The following COMMD1 variants were observed in gnomAD, a reference collection of about 807,000 sequenced individuals.
COMMD1 encodes the protein copper metabolism domain containing 1.
COMMD1 carries 10 observed loss-of-function variants against 17.2 expected under a neutral mutation model. That is an observed-to-expected ratio of 0.58 (90% confidence interval 0.36 to 0.99). The LOEUF (loss-of-function observed/expected upper bound fraction) is 0.99, where lower values mean the gene tolerates loss of function less well. COMMD1 is among the 50% of genes least tolerant of loss of function. COMMD1 has a pLI of 0.01. For missense variants in COMMD1, 270 were observed against 231.8 expected (o/e 1.17, Z -1.07); for synonymous variants, 97 against 91.6 (o/e 1.06, Z -0.34).
chr2:61,955,467 C>G (rs1269256001), intron 1 of COMMD1, among the ~76,000 whole-genome samples: 1 of 152,056 alleles, frequency 6.6e-6, no homozygotes, highest in Non-Finnish European at 1.5e-5. Flanking sequence ...CGTAAGTTTT[C>G]AGTTTTGATG....
At chr2:61,958,983 A>T (rs1361967369) in intron 1 of COMMD1, among the ~76,000 whole-genome samples, 2 of 152,106 alleles carry the variant, frequency 1.3e-5, no homozygotes, top group African/African-American at 4.8e-5. Context: ...CACTGATTTT[A>T]TTTTGTCATG....
At chr2:62,036,107 T>C (rs983316545) in intron 2 of COMMD1, among the ~76,000 whole-genome samples, 1 of 151,722 alleles carries the variant, frequency 6.6e-6, no homozygotes, top group Admixed American at 6.6e-5. Flanking sequence ...GGATGGTTTC[T>C]TAGAAAAAAG....
At chr2:62,112,293 A>G (rs1476159200) in intron 2 of COMMD1, among the ~76,000 whole-genome samples, 1 of 152,198 alleles carries the variant, frequency 6.6e-6, no homozygotes, top group African/African-American at 2.4e-5. Context: ...GAAGAGCACA[A>G]AGCTCTCAGG....
intron 1 of COMMD1, among the ~76,000 whole-genome samples, chr2:61,979,219 A>G (rs1032768049): frequency 5.3e-5 from 8 of 151,964 alleles, no homozygotes; most frequent in African/African-American, 1.9e-4. Context: ...ATAGGCCAGA[A>G]TGTAATCCCA....
intron 1 of COMMD1, among the ~76,000 whole-genome samples, chr2:61,900,357 G>A (rs530517629): frequency 1.1e-3 from 174 of 152,346 alleles, no homozygotes; most frequent in Non-Finnish European, 2.0e-3. Flanking sequence ...ATAAGGCTCT[G>A]TCTAAAACTT....
At chr2:61,897,911 T>TGA (rs1669584712) in intron 1 of COMMD1, among the ~76,000 whole-genome samples, 1 of 152,122 alleles carries the variant, frequency 6.6e-6, no homozygotes, top group Non-Finnish European at 1.5e-5. Context: ...TGCCTCCATA[T>TGA]ATAGGGACGA....
rs1264864492 is a variant in COMMD1, at chr2:62,123,288, G to A, written c.463-12543G>A. 2.7e-3 allele frequency among the ~76,000 whole-genome samples: 406 copies of A among 150,856 alleles called. 1 individual carries two copies. The highest frequency in any genetic ancestry group is 9.6e-3 in the African/African-American group (387 of 40,246). ...TGGGAGGCTGAGGCAGGCAGATCATGAGGTCAGGAGTTCAAGACCAGCCTG... is the reference window on the plus strand; with the variant it reads ...TGGGAGGCTGAGGCAGGCAGATCATAAGGTCAGGAGTTCAAGACCAGCCTG... On this transcript the variant is annotated intron_variant, in intron 2 of 2. Transcript: ENST00000311832.
At chr2:61,993,573 G>A (rs1186305361) in intron 1 of COMMD1, among the ~76,000 whole-genome samples, 2 of 152,214 alleles carry the variant, frequency 1.3e-5, no homozygotes, top group African/African-American at 4.8e-5. Flanking sequence ...AGATGTGGAA[G>A]AGAGAGAAGA....
intron 1 of COMMD1, among the ~76,000 whole-genome samples, chr2:61,948,738 T>G (rs1261933524): frequency 6.6e-6 from 1 of 152,260 alleles, no homozygotes; most frequent in Non-Finnish European, 1.5e-5. Flanking sequence ...AGGAGACTTT[T>G]AAGACTTTGT....
At chr2:61,958,184 T>G (rs1671244271) in intron 1 of COMMD1, among the ~76,000 whole-genome samples, 1 of 152,110 alleles carries the variant, frequency 6.6e-6, no homozygotes, top group African/African-American at 2.4e-5. Context: ...CCTCCCACTC[T>G]CTACCCTCTG....
At chr2:62,029,297 C>T (rs1300245427) in intron 2 of COMMD1, among the ~76,000 whole-genome samples, 1 of 151,984 alleles carries the variant, frequency 6.6e-6, no homozygotes, top group African/African-American at 2.4e-5. Flanking sequence ...GCATAAAGTT[C>T]ACAAATTTAG....
chr2:62,111,355 T>G (rs995484376), intron 2 of COMMD1, among the ~76,000 whole-genome samples: 2 of 152,202 alleles, frequency 1.3e-5, no homozygotes, highest in African/African-American at 2.4e-5. Flanking sequence ...AGAATGAAGA[T>G]CCCAAGACAT....
intron 2 of COMMD1, among the ~76,000 whole-genome samples, chr2:62,117,574 T>C (rs150479666): frequency 1.4e-4 from 22 of 152,354 alleles, no homozygotes; most frequent in Admixed American, 5.2e-4. Flanking sequence ...TTATCTTTCC[T>C]CACTTTCCTC....
intron 2 of COMMD1, among the ~76,000 whole-genome samples, chr2:62,031,439 C>G (rs1005262080): frequency 5.9e-5 from 9 of 152,180 alleles, no homozygotes; most frequent in African/African-American, 1.9e-4. Flanking sequence ...CATTAATTGG[C>G]TTGATTGAAG....
At chr2:61,948,178 C>T (rs898126195) in intron 1 of COMMD1, among the ~76,000 whole-genome samples, 4 of 151,984 alleles carry the variant, frequency 2.6e-5, no homozygotes, top group South Asian at 2.1e-4. Context: ...GTGCAATCAC[C>T]GCTTACTGCA....
chr2:62,135,030 T>C (rs1673153196), intron 2 of COMMD1, among the ~76,000 whole-genome samples: 1 of 152,118 alleles, frequency 6.6e-6, no homozygotes, highest in Admixed American at 6.5e-5. Context: ...TAACTCAGAG[T>C]CCATCAGAGT....
chr2:61,922,102 G>T (rs1670214927), intron 1 of COMMD1, among the ~76,000 whole-genome samples: 1 of 152,108 alleles, frequency 6.6e-6, no homozygotes, highest in Admixed American at 6.5e-5. Flanking sequence ...TACAGAAAAT[G>T]AGTAGGTCTT....
At chr2:62,044,623 G>C (rs1670329549) in intron 2 of COMMD1, among the ~76,000 whole-genome samples, 1 of 152,168 alleles carries the variant, frequency 6.6e-6, no homozygotes, top group Admixed American at 6.5e-5. Context: ...TTGCAGAATA[G>C]ATTTAAGGAT....
At chr2:62,002,085 G>T (rs541924396) in intron 2 of COMMD1, among the ~76,000 whole-genome samples, 1 of 152,042 alleles carries the variant, frequency 6.6e-6, no homozygotes, top group Non-Finnish European at 1.5e-5. Context: ...CACGAGAATC[G>T]CTTGAACCTG....
Sources: gnomAD v4.1 joint callset for allele counts (sites outside exome capture counted in the v4.1 genomes callset) on GRCh38, gnomAD v4.1.1 for gene constraint, MANE v1.5 for transcripts, NCBI Gene and HGNC (gene_info 2026-07-23, HGNC 2026-07-21) for gene names.